Variants in ITPR2 observed in about 807,000 individuals in gnomAD.
ITPR2 encodes inositol 1,4,5-trisphosphate-gated calcium channel ITPR2.
A neutral mutation model predicts 317.1 loss-of-function variants in ITPR2; 207 were observed. The observed-to-expected ratio is 0.65, with a 90% CI of 0.58 to 0.73. ITPR2 has a LOEUF of 0.73. Ranked by LOEUF, ITPR2 falls within the 30% of genes least tolerant of loss-of-function variation. The probability of loss-of-function intolerance (pLI) is 0.00; values close to 1 mark genes in which losing one functional copy is unlikely to be tolerated. For synonymous variants in ITPR2, 1,156 were observed against 1,149.1 expected, an observed-to-expected ratio of 1.01 and a Z score of -0.12; for missense variants, 2,613 against 3,284.0, an observed-to-expected ratio of 0.80 and a Z score of 4.99.
chr12:26,658,133 G>T lies in ITPR2; in HGVS notation c.1887-3C>A. 6.6e-7 allele frequency: 1 copy of T among 1,519,562 alleles called. No individual in the cohort carries two copies. Among genetic ancestry groups the T allele is most frequent in the Non-Finnish European group, 8.8e-7 (1 of 1,133,892 alleles). The allele number at this position is 1,519,562 out of a possible 1,614,324, so 94.1% of individuals were successfully genotyped here. Reference sequence around the variant, plus strand: ...GATCTGACAAATAATCCAAAAACCTGGCAAAAGAAAAAAATTAAATGGAAT... The same window carrying T: ...GATCTGACAAATAATCCAAAAACCTTGCAAAAGAAAAAAATTAAATGGAAT... On this transcript the variant is annotated splice_region_variant and splice_polypyrimidine_tract_variant and intron_variant, in intron 16 of 56. Coordinates refer to ENST00000381340, the MANE Select transcript of ITPR2 (RefSeq NM_002223.4).
At chr12:26,828,275 C>A (rs1303462955) in intron 1 of ITPR2, among the ~76,000 whole-genome samples, 4 of 152,204 alleles carry the variant, frequency 2.6e-5, no homozygotes, top group African/African-American at 9.7e-5. Flanking sequence ...TGAGAAATCA[C>A]AACTACCACT....
At chr12:26,759,444 T>C (rs991293531) in intron 2 of ITPR2, among the ~76,000 whole-genome samples, 22 of 152,328 alleles carry the variant, frequency 1.4e-4, no homozygotes, top group Non-Finnish European at 2.8e-4. Flanking sequence ...TTCGTAACTG[T>C]TTGCCTCCCC....
chr12:26,611,806 G>A (rs377715759), intron 26 of ITPR2, among the ~76,000 whole-genome samples: 3 of 152,116 alleles, frequency 2.0e-5, no homozygotes, highest in African/African-American at 4.8e-5. Context: ...ACTCGGATAC[G>A]GTTTCCTGAG....
intron 10 of ITPR2, among the ~76,000 whole-genome samples, chr12:26,687,146 TAAGAAA>T (rs1948142745): frequency 1.3e-5 from 2 of 150,546 alleles, no homozygotes; most frequent in East Asian, 2.0e-4. Flanking sequence ...TATAATTGCA[TAAGAAA>T]TAAAATAAAA....
chr12:26,754,433 T>G (rs1327382819), intron 2 of ITPR2, among the ~76,000 whole-genome samples: 1 of 152,238 alleles, frequency 6.6e-6, no homozygotes, highest in Admixed American at 6.5e-5. Flanking sequence ...GGTACATAAT[T>G]AAAATCCCGA....
intron 55 of ITPR2, among the ~76,000 whole-genome samples, chr12:26,381,135 G>C (rs1939497552): frequency 6.6e-6 from 1 of 152,180 alleles, no homozygotes; most frequent in Non-Finnish European, 1.5e-5. Context: ...GCCACAGATG[G>C]ATTAATGTGC....
chr12:26,569,362 T>A (rs980560597), intron 34 of ITPR2, among the ~76,000 whole-genome samples: 1 of 151,982 alleles, frequency 6.6e-6, no homozygotes, highest in African/African-American at 2.4e-5. Flanking sequence ...GAGACCACCC[T>A]GGGTAACATG....
intron 2 of ITPR2, among the ~76,000 whole-genome samples, chr12:26,746,191 A>AACACAC (rs71437307): frequency 0.027 from 4,010 of 150,408 alleles, 106 homozygotes; most frequent in African/African-American, 0.07. Flanking sequence ...GTATTCCTAC[A>AACACAC]ACACACACAC....
chr12:26,791,510 C>T (rs1950340364), intron 1 of ITPR2, among the ~76,000 whole-genome samples: 1 of 152,104 alleles, frequency 6.6e-6, no homozygotes, highest in African/African-American at 2.4e-5. Context: ...TTACTGGAAG[C>T]AGACACTTCC....
intron 39 of ITPR2, among the ~76,000 whole-genome samples, chr12:26,493,040 A>C (rs1386504301): frequency 6.6e-6 from 1 of 152,102 alleles, no homozygotes; most frequent in Non-Finnish European, 1.5e-5. Flanking sequence ...TACCTGGTTC[A>C]GATAAGATAA....
chr12:26,418,486 T>C (rs962314154), intron 50 of ITPR2, among the ~76,000 whole-genome samples: 3 of 152,108 alleles, frequency 2.0e-5, no homozygotes, highest in Non-Finnish European at 2.9e-5. Context: ...TAGAAAAAAA[T>C]TTGAAAGAGC....
chr12:26,719,251 A>C (rs1447253436), intron 5 of ITPR2, among the ~76,000 whole-genome samples: 1 of 152,360 alleles, frequency 6.6e-6, no homozygotes, highest in Non-Finnish European at 1.5e-5. Context: ...AATATTTTCA[A>C]AATAGTGAAG....
At chr12:26,610,187 T>A (rs898395532) in intron 26 of ITPR2, among the ~76,000 whole-genome samples, 19 of 152,228 alleles carry the variant, frequency 1.2e-4, no homozygotes, top group Non-Finnish European at 1.9e-4. Context: ...TCCCAGGCCA[T>A]CAGGGTTAGA....
In ITPR2 at chr12:26,621,169, C is replaced by G. The variant is rs764683440; in HGVS notation, c.3416G>C (p.Gly1139Ala). The G allele has an allele frequency of 1.2e-6, 2 of 1,613,766 alleles. No homozygotes were observed. Among genetic ancestry groups the G allele is most frequent in the Non-Finnish European group, 8.5e-7 (1 of 1,179,876 alleles). ...TTTCACTTGACTTTCCCCTATTTCT[C>G]CATTCTCATAGTTGCTGCTCTTCTC... is the stretch of plus-strand genomic sequence containing the variant. ...WVEKSSNYEN[G>A]EIGESQVKGG... The change falls in exon 26 of 57, where the codon GGA becomes GCA. Residue 1139 changes from glycine to alanine, a missense_variant. By Grantham distance (60) the Gly-to-Ala change is moderately conservative. This residue lies in a region of ITPR2 where 817 missense variants were observed against 897.6 expected (regional missense o/e 0.91). Coordinates refer to ENST00000381340, the MANE Select transcript of ITPR2 (RefSeq NM_002223.4).
intron 39 of ITPR2, among the ~76,000 whole-genome samples, chr12:26,488,882 T>C (rs1253781933): frequency 2.0e-5 from 3 of 152,210 alleles, no homozygotes; most frequent in Non-Finnish European, 4.4e-5. Context: ...GTGTGATGAA[T>C]AGAGTGCTCT....
chr12:26,509,961 TGTGTG>T (rs1943289476), intron 37 of ITPR2, among the ~76,000 whole-genome samples: 2 of 39,476 alleles, frequency 5.1e-5, no homozygotes, highest in Non-Finnish European at 8.4e-5. Flanking sequence ...AAGGGTTTTG[TGTGTG>T]TGTGTGTGTG....
chr12:26,608,268 T>TA (rs1469959213), intron 26 of ITPR2, among the ~76,000 whole-genome samples: 8 of 152,312 alleles, frequency 5.3e-5, no homozygotes, highest in South Asian at 4.1e-4. Flanking sequence ...CATAAGTTAA[T>TA]AAAAAAAGTT....
intron 9 of ITPR2, among the ~76,000 whole-genome samples, chr12:26,700,289 G>C (rs1948421119): frequency 6.6e-6 from 1 of 152,192 alleles, no homozygotes; most frequent in African/African-American, 2.4e-5. Context: ...TGGCAGGGCA[G>C]GAACCAGGGA....
chr12:26,562,017 T>C, intron 34 of ITPR2, 65 bp from the exon 35 acceptor site: 2 of 1,102,560 alleles, frequency 1.8e-6, no homozygotes, highest in Middle Eastern at 2.1e-4. Context: ...ATATTATCCA[T>C]ACAATCTTAT....
Sources: allele counts gnomAD v4.1 joint callset (sites outside exome capture counted in the v4.1 genomes callset), GRCh38; gene constraint gnomAD v4.1.1; regional missense constraint gnomAD v4.1.1; transcripts MANE v1.5; gene names NCBI Gene and HGNC (gene_info 2026-07-23, HGNC 2026-07-21).